Variants in ERLEC1 observed in about 807,000 individuals in gnomAD.
The protein encoded by ERLEC1 is endoplasmic reticulum lectin 1.
Under a neutral mutation model 68.0 loss-of-function variants are expected in ERLEC1, and 47 were observed. The observed-to-expected ratio is 0.69, with a 90% CI of 0.55 to 0.88. The LOEUF is 0.88. Ranked by LOEUF, ERLEC1 falls within the 40% of genes least tolerant of loss-of-function variation. The pLI is 0.00. For missense variants in ERLEC1, 567 were observed against 583.8 expected, an observed-to-expected ratio of 0.97 and a Z score of 0.30; for synonymous variants, 225 against 203.2, an observed-to-expected ratio of 1.11 and a Z score of -0.91.
chr2:53,814,574 A>C lies in ERLEC1; in HGVS notation c.1258A>C (p.Ile420Leu). The change falls in exon 12 of 14, where the codon ATT (isoleucine) becomes CTT (leucine). Residue 420 changes from isoleucine (I) to leucine (L), a missense_variant. Transcript: ENST00000185150. ...MVSHFYGNGD[I>L]CDITDKPRQV... ...GTCACATTTTTATGGAAATGGAGATATTTGTGATATAACTGACAAACCAAG... is the reference window on the plus strand; with the variant it reads ...GTCACATTTTTATGGAAATGGAGATCTTTGTGATATAACTGACAAACCAAG... 1 of 1,612,042 alleles carries C rather than the reference A, an allele frequency of 6.2e-7. No individual in the cohort carries two copies. Among genetic ancestry groups the C allele is most frequent in the Non-Finnish European group, 8.5e-7 (1 of 1,178,804 alleles).
At chr2:53,802,386 C>G (rs1676054414) in intron 8 of ERLEC1, among the ~76,000 whole-genome samples, 1 of 151,888 alleles carries the variant, frequency 6.6e-6, no homozygotes, top group Non-Finnish European at 1.5e-5. Flanking sequence ...AGTCTTTTTT[C>G]TTACCTGTAT....
intron 1 of ERLEC1, among the ~76,000 whole-genome samples, chr2:53,793,826 T>C (rs954510267): frequency 6.6e-6 from 1 of 152,190 alleles, no homozygotes; most frequent in African/African-American, 2.4e-5. Context: ...ATCTTCATTT[T>C]GTAATTAATA....
Position 53,787,267 on chromosome 2 carries a change from G to A in ERLEC1, c.57G>A (p.Leu19=). Reference sequence around the variant, plus strand: ...TGGTCCCGGGCGGGCCGGTGTTACTGGTCCTCTGCGGCCTCCTGGAGGCGT... The same window carrying A: ...TGGTCCCGGGCGGGCCGGTGTTACTAGTCCTCTGCGGCCTCCTGGAGGCGT... ...RSLVPGGPVL[L]VLCGLLEASG... Residue 19 remains leucine (L), a synonymous_variant, in exon 1 of 14, where the codon CTG becomes CTA. Transcript: ENST00000185150. The A allele has an allele frequency of 6.2e-7, 1 of 1,608,360 alleles. No individual in the cohort carries two copies. The highest frequency in any genetic ancestry group is 8.5e-7 in the Non-Finnish European group (1 of 1,179,938).
intron 1 of ERLEC1, among the ~76,000 whole-genome samples, chr2:53,791,403 T>C (rs779438271): frequency 1.3e-5 from 2 of 152,242 alleles, no homozygotes; most frequent in African/African-American, 4.8e-5. Flanking sequence ...TCTAATTCTG[T>C]ACATTCAGAA....
At chr2:53,814,716 A>T (rs1170206234) in intron 12 of ERLEC1, 96 bp downstream of exon 12, 1 of 1,029,882 alleles carries the variant, frequency 9.7e-7, no homozygotes, top group Non-Finnish European at 1.5e-6. Context: ...ATGAATAATT[A>T]TGAAAGTATA....
intron 1 of ERLEC1, among the ~76,000 whole-genome samples, chr2:53,790,354 T>C (rs1675324260): frequency 1.3e-5 from 2 of 152,072 alleles, no homozygotes; most frequent in Admixed American, 6.5e-5. Context: ...CACCTCGGCC[T>C]CCCAAAGTGC....
At chr2:53,804,806 C>T (rs1330197801) in intron 8 of ERLEC1, among the ~76,000 whole-genome samples, 1 of 152,012 alleles carries the variant, frequency 6.6e-6, no homozygotes, top group Non-Finnish European at 1.5e-5. Flanking sequence ...CACAACCTCC[C>T]ACTACCCTTC....
chr2:53,808,253 A>G, intron 8 of ERLEC1, 46 bp from the exon 9 acceptor site: 1 of 1,566,912 alleles, frequency 6.4e-7, no homozygotes, highest in Non-Finnish European at 8.6e-7. Flanking sequence ...GAAAAAAGAA[A>G]TTAAGTTTGG....
intron 13 of ERLEC1, among the ~76,000 whole-genome samples, chr2:53,815,364 T>C (rs958980747): frequency 4.6e-5 from 7 of 152,184 alleles, no homozygotes; most frequent in African/African-American, 1.7e-4. Flanking sequence ...CTCCAAGGCT[T>C]AATATGGCCC....
chr2:53,812,807 A>G, intron 10 of ERLEC1, 142 bp from the exon 11 acceptor site: 1 of 781,432 alleles, frequency 1.3e-6, no homozygotes, highest in Non-Finnish European at 2.0e-6. Context: ...CCACTCATTG[A>G]ATTTGACTGA....
rs1007139504 is a variant in ERLEC1, at chr2:53,818,513, G to C, written c.*544G>C. ...TGGGCACATGGTAGAGGCTCACATGGGAGTTGTCCTCACCCTTGTTAATCT... is the reference window on the plus strand; with the variant it reads ...TGGGCACATGGTAGAGGCTCACATGCGAGTTGTCCTCACCCTTGTTAATCT... On this transcript the variant is annotated 3_prime_UTR_variant, in exon 14 of 14. Transcript: ENST00000185150. The C allele has an allele frequency of 5.9e-5, 9 of 152,166 alleles. No individual in the cohort carries two copies. The highest frequency in any genetic ancestry group is 2.2e-4 in the African/African-American group (9 of 41,434). The allele number at this position is 152,166 out of a possible 1,614,324, so 9.4% of individuals were successfully genotyped here.
chr2:53,808,495 TACA>T, intron 9 of ERLEC1, 35 bp downstream of exon 9: 1 of 1,604,344 alleles, frequency 6.2e-7, no homozygotes, highest in African/African-American at 1.3e-5. Flanking sequence ...ATATTTATTT[TACA>T]ACTTTACCTG....
intron 8 of ERLEC1, among the ~76,000 whole-genome samples, chr2:53,804,538 A>G (rs775049585): frequency 2.6e-5 from 4 of 152,118 alleles, no homozygotes; most frequent in African/African-American, 4.8e-5. Context: ...GGCCTTCCAC[A>G]GTGCTGGGAT....
intron 10 of ERLEC1, among the ~76,000 whole-genome samples, chr2:53,810,610 GA>G (rs1194654147): frequency 6.6e-6 from 1 of 152,124 alleles, no homozygotes; most frequent in Non-Finnish European, 1.5e-5. Context: ...ACCCAAAATA[GA>G]AAAGTGTATA....
At chr2:53,801,275 T>G (rs996492691) in intron 6 of ERLEC1, 122 bp from the exon 7 acceptor site, 1 of 638,380 alleles carries the variant, frequency 1.6e-6, no homozygotes, top group African/African-American at 1.8e-5. Context: ...TATAGAAGTG[T>G]TACCTTTCAG....
At chr2:53,808,803 A>G (rs187173962) in intron 9 of ERLEC1, among the ~76,000 whole-genome samples, 11 of 152,306 alleles carry the variant, frequency 7.2e-5, no homozygotes, top group African/African-American at 2.4e-4. Context: ...TCCCTTTAAA[A>G]AAAAAGTTAG....
intron 7 of ERLEC1, 37 bp downstream of exon 7, chr2:53,801,657 A>G (rs371108781): frequency 1.2e-5 from 19 of 1,612,942 alleles, no homozygotes; most frequent in Admixed American, 1.7e-5. Context: ...CATAAAATGC[A>G]CACATGCTTT....
intron 1 of ERLEC1, among the ~76,000 whole-genome samples, chr2:53,789,393 CAAA>C (rs1160757930): frequency 2.4e-4 from 19 of 79,736 alleles, no homozygotes; most frequent in African/African-American, 4.5e-4. Flanking sequence ...GACTCTGTCT[CAAA>C]AAAAAAAAAA....
At chr2:53,805,152 A>G (rs984555714) in intron 8 of ERLEC1, among the ~76,000 whole-genome samples, 2 of 151,628 alleles carry the variant, frequency 1.3e-5, no homozygotes, top group Non-Finnish European at 2.9e-5. Context: ...CCTCCTGAGT[A>G]GCTGGGATTA....
Sources: gnomAD v4.1 joint callset for allele counts (sites outside exome capture counted in the v4.1 genomes callset) on GRCh38, gnomAD v4.1.1 for gene constraint, MANE v1.5 for transcripts, NCBI Gene and HGNC (gene_info 2026-07-23, HGNC 2026-07-21) for gene names.